Variants in PXYLP1 observed in about 807,000 individuals in gnomAD.
PXYLP1 encodes 2-phosphoxylose phosphatase 1.
In PXYLP1, 17 loss-of-function variants were observed where a neutral mutation model predicts 37.9. That is an observed-to-expected ratio of 0.45 (90% CI 0.31 to 0.67). PXYLP1 has a LOEUF of 0.67. Ranked by LOEUF, PXYLP1 falls within the 30% of genes least tolerant of loss-of-function variation. The pLI is 0.07. For synonymous variants in PXYLP1, 221 were observed against 232.2 expected (o/e 0.95, Z 0.44); for missense variants, 511 against 612.0 (o/e 0.84, Z 1.74).
intron 1 of PXYLP1, chr3:141,235,003 C>T (rs925512397): frequency 6.6e-6 from 1 of 152,188 alleles, no homozygotes; most frequent in African/African-American, 2.4e-5. Flanking sequence ...ATACTACTAT[C>T]TAGAGGTGGG....
intron 1 of PXYLP1, among the ~76,000 whole-genome samples, chr3:141,241,137 A>G (rs1469057301): frequency 3.9e-5 from 6 of 152,158 alleles, no homozygotes; most frequent in Non-Finnish European, 5.9e-5. Context: ...TTCCCCTCTA[A>G]TTCATTAAAA....
At chr3:141,240,502 G>T (rs6439987) in intron 1 of PXYLP1, among the ~76,000 whole-genome samples, 32,979 of 151,790 alleles carry the variant, frequency 0.22, 4,543 homozygotes, top group African/African-American at 0.39. Context: ...AGGCTCAGAG[G>T]TGCTGAACTA....
chr3:141,285,905 T>G (rs541404351), intron 4 of PXYLP1, among the ~76,000 whole-genome samples: 1 of 152,378 alleles, frequency 6.6e-6, no homozygotes, highest in African/African-American at 2.4e-5. Flanking sequence ...TAGACTATAT[T>G]ACATGTCTGG....
chr3:141,249,825 T>C (rs1040352156), intron 1 of PXYLP1, among the ~76,000 whole-genome samples: 28 of 152,178 alleles, frequency 1.8e-4, no homozygotes, highest in African/African-American at 5.6e-4. Context: ...CAGACTTGTC[T>C]ATGTCAAAAA....
At chr3:141,272,974 A>G (rs1184146100) in intron 2 of PXYLP1, 1 of 984,996 alleles carries the variant, frequency 1.0e-6, no homozygotes, top group Non-Finnish European at 1.2e-6. Context: ...AGTATTAACC[A>G]TCACATCTGG....
Position 141,292,152 on chromosome 3 carries a change from C to A in PXYLP1, c.506-116C>A. 2.1e-6 allele frequency: 2 copies of A among 962,666 alleles called. No individual in the cohort carries two copies. Among genetic ancestry groups the A allele is most frequent in the Non-Finnish European group, 3.1e-6 (2 of 642,456 alleles). 59.6% of individuals were successfully genotyped at this position (962,666 alleles called of 1,614,324 possible). A position where few individuals can be genotyped will look rare whatever the true frequency, so the allele number is the denominator to read the frequency against. ...AACTTCCACACCATGGGGAAACAGG[C>A]TGGATGCCATTCTCTTGCCCTAAAA... is the stretch of plus-strand genomic sequence containing the variant. On this transcript the variant is annotated intron_variant, in intron 5 of 5. Coordinates refer to ENST00000286353, the MANE Select transcript of PXYLP1 (RefSeq NM_001037172.3). The surrounding 1 kb of genome is among the most constrained non-coding windows in gnomAD (Gnocchi z 4.3).
chr3:141,240,967 G>T (rs992319008), intron 1 of PXYLP1, among the ~76,000 whole-genome samples: 1 of 152,122 alleles, frequency 6.6e-6, no homozygotes, highest in Non-Finnish European at 1.5e-5. Context: ...TTACCCCAGA[G>T]GAAGTGGTCT....
At chr3:141,234,728 G>A (rs1940617663) in intron 1 of PXYLP1, among the ~76,000 whole-genome samples, 1 of 152,232 alleles carries the variant, frequency 6.6e-6, no homozygotes, top group Non-Finnish European at 1.5e-5. Context: ...AGGCAGTACA[G>A]CCAAATGCTG....
chr3:141,249,677 A>T (rs1405049036), intron 1 of PXYLP1, among the ~76,000 whole-genome samples: 2 of 152,152 alleles, frequency 1.3e-5, no homozygotes, highest in East Asian at 3.8e-4. Context: ...TGCGGTGAGT[A>T]AATCATGCCA....
intron 1 of PXYLP1, among the ~76,000 whole-genome samples, chr3:141,256,525 C>T (rs1941266075): frequency 6.6e-6 from 1 of 151,794 alleles, no homozygotes; most frequent in African/African-American, 2.4e-5. Flanking sequence ...CGTATACATA[C>T]ACACACACAC....
chr3:141,239,527 T>TCTC (rs10662653), intron 1 of PXYLP1, among the ~76,000 whole-genome samples: 128,087 of 151,978 alleles, frequency 0.84, 54,520 homozygotes, highest in African/African-American at 0.96. Context: ...TGATTTTTTT[T>TCTC]CTCTTGTGCA....
chr3:141,259,365 T>C (rs760294136), intron 1 of PXYLP1, among the ~76,000 whole-genome samples: 4 of 150,846 alleles, frequency 2.7e-5, no homozygotes, highest in African/African-American at 4.9e-5. Flanking sequence ...CTAAAACTGA[T>C]AGGGTAGAAG....
intron 1 of PXYLP1, among the ~76,000 whole-genome samples, chr3:141,238,751 CAT>C (rs1274293013): frequency 6.6e-6 from 1 of 151,960 alleles, no homozygotes; most frequent in Non-Finnish European, 1.5e-5. Context: ...TCAGTTAACA[CAT>C]ATTTTGTATG....
intron 4 of PXYLP1, among the ~76,000 whole-genome samples, chr3:141,284,587 G>A (rs936392441): frequency 2.0e-5 from 3 of 152,168 alleles, no homozygotes; most frequent in African/African-American, 7.2e-5. Context: ...AATCTGAGAT[G>A]CTCAAGTCCC....
At chr3:141,261,206 G>A (rs955175488) in intron 2 of PXYLP1, among the ~76,000 whole-genome samples, 16 of 152,084 alleles carry the variant, frequency 1.1e-4, no homozygotes, top group African/African-American at 3.4e-4. Context: ...GAGTGCAGTA[G>A]CACGATCACA....
intron 3 of PXYLP1, among the ~76,000 whole-genome samples, chr3:141,279,122 G>T (rs142856483): frequency 6.6e-6 from 1 of 152,170 alleles, no homozygotes; most frequent in African/African-American, 2.4e-5. Context: ...CCAGCCTCCC[G>T]TTGTTTCCAG....
At chr3:141,278,182 C>T (rs12488569) in intron 2 of PXYLP1, among the ~76,000 whole-genome samples, 160 bp from the exon 3 acceptor site, 67,872 of 151,900 alleles carry the variant, frequency 0.45, 17,691 homozygotes, top group South Asian at 0.6. Flanking sequence ...GGCTCAGAAG[C>T]CCTTCTTGAA....
At chr3:141,274,164 T>G in intron 2 of PXYLP1, 1 of 1,023,040 alleles carries the variant, frequency 9.8e-7, no homozygotes, top group South Asian at 4.1e-5. Context: ...CCCCAGCCCC[T>G]GGGTCTGTCC....
intron 2 of PXYLP1, among the ~76,000 whole-genome samples, chr3:141,277,969 A>G (rs905002779): frequency 6.6e-6 from 1 of 152,234 alleles, no homozygotes; most frequent in Non-Finnish European, 1.5e-5. Flanking sequence ...CAGGTCTTCA[A>G]TGAGGAATGA....
Sources: gnomAD v4.1 joint callset for allele counts (sites outside exome capture counted in the v4.1 genomes callset) on GRCh38, gnomAD v4.1.1 for gene constraint, Gnocchi (gnomAD v3.1) non-coding constraint, MANE v1.5 for transcripts, NCBI Gene and HGNC (gene_info 2026-07-23, HGNC 2026-07-21) for gene names.